ORC5: variants seen among roughly 807,000 people sequenced by gnomAD.
ORC5 encodes the protein protein phosphatase 1, regulatory subunit 117.
ORC5 carries 39 observed loss-of-function variants against 58.8 expected under a neutral mutation model. That is an observed-to-expected ratio of 0.66 (90% confidence interval 0.51 to 0.87). The LOEUF (loss-of-function observed/expected upper bound fraction) is 0.87. Among genes scored for constraint, ORC5 ranks in the 40% least tolerant of loss-of-function variants. The pLI, the probability that ORC5 is intolerant of heterozygous loss-of-function variation, is 0.00. For missense variants in ORC5, 493 were observed against 506.3 expected, an observed-to-expected ratio of 0.97 and a Z score of 0.25; for synonymous variants, 218 against 177.6, an observed-to-expected ratio of 1.23 and a Z score of -1.81.
intron 13 of ORC5, among the ~76,000 whole-genome samples, chr7:104,135,898 C>T (rs780681274): frequency 6.6e-6 from 1 of 152,086 alleles, no homozygotes; most frequent in African/African-American, 2.4e-5. Context: ...ATGGATTGCC[C>T]TGTTCACTCT....
chr7:104,204,497 G>T (rs913496579), intron 1 of ORC5, among the ~76,000 whole-genome samples: 27 of 151,972 alleles, frequency 1.8e-4, no homozygotes, highest in African/African-American at 6.0e-4. Flanking sequence ...TATCGTACAG[G>T]TTTACATATA....
intron 8 of ORC5, among the ~76,000 whole-genome samples, chr7:104,180,046 T>C (rs571504713): frequency 6.6e-6 from 1 of 152,362 alleles, no homozygotes; most frequent in Non-Finnish European, 1.5e-5. Context: ...CTTTTCTTAA[T>C]GTGTCTGAAT....
chr7:104,143,156 T>C (rs1340192524), intron 12 of ORC5, among the ~76,000 whole-genome samples: 1 of 135,428 alleles, frequency 7.4e-6, no homozygotes, highest in Non-Finnish European at 1.5e-5. Flanking sequence ...CCCTTAGTAC[T>C]TTTTTTTTAA....
At chr7:104,139,476 G>T (rs974199760) in intron 12 of ORC5, among the ~76,000 whole-genome samples, 1 of 152,014 alleles carries the variant, frequency 6.6e-6, no homozygotes, top group Non-Finnish European at 1.5e-5. Context: ...CCATTTTAAA[G>T]GGAAAATTAT....
chr7:104,150,972 C>T (rs1382883528), intron 12 of ORC5, among the ~76,000 whole-genome samples: 1 of 152,094 alleles, frequency 6.6e-6, no homozygotes, highest in Non-Finnish European at 1.5e-5. Context: ...TGAGAAATGA[C>T]ATTTGGGAGA....
chr7:104,183,474 G>A (rs12705189), intron 8 of ORC5, among the ~76,000 whole-genome samples: 93,785 of 151,952 alleles, frequency 0.62, 30,826 homozygotes, highest in Non-Finnish European at 0.75. Context: ...ATCAAAATGG[G>A]GTCACATGTG....
chr7:104,199,468 G>C (rs900164183), intron 3 of ORC5, among the ~76,000 whole-genome samples: 1 of 152,218 alleles, frequency 6.6e-6, no homozygotes, highest in Non-Finnish European at 1.5e-5. Flanking sequence ...GGCTGGATGT[G>C]AGGCATGGAG....
At position 104,132,101 on chromosome 7, in the gene ORC5, C is replaced by T. The variant is rs78166021; in HGVS notation, c.1262+4680G>A. On this transcript the variant is annotated intron_variant, in intron 13 of 13. Transcript: ENST00000297431. ...TACATCTACTTTCTCATAAATACTA[C>T]AATATGACTTCTACTTCATCATACC... is the stretch of plus-strand genomic sequence containing the variant. 3.4e-3 allele frequency among the ~76,000 whole-genome samples: 521 copies of T among 152,184 alleles called. 7 individuals carry two copies. Among genetic ancestry groups the T allele is most frequent in the African/African-American group, 0.012 (504 of 41,520 alleles).
At chr7:104,194,919 C>A (rs1420045527) in intron 5 of ORC5, among the ~76,000 whole-genome samples, 5 of 152,062 alleles carry the variant, frequency 3.3e-5, no homozygotes, top group African/African-American at 9.7e-5. Context: ...TGGCAGCAAA[C>A]CTTAACAGTT....
chr7:104,150,306 T>C (rs1390699661), intron 12 of ORC5, among the ~76,000 whole-genome samples: 5 of 152,150 alleles, frequency 3.3e-5, no homozygotes, highest in African/African-American at 1.2e-4. Flanking sequence ...CTGAAACATA[T>C]TAAATTATTT....
intron 5 of ORC5, 44 bp from the exon 6 acceptor site, chr7:104,188,425 C>T (rs1302736263): frequency 4.1e-6 from 6 of 1,472,110 alleles, no homozygotes; most frequent in South Asian, 1.3e-5. Context: ...TAACATAGTA[C>T]ACTAATCATA....
intron 3 of ORC5, among the ~76,000 whole-genome samples, chr7:104,198,916 G>C (rs908530056): frequency 3.9e-5 from 6 of 152,220 alleles, no homozygotes; most frequent in African/African-American, 1.4e-4. Flanking sequence ...CCCCACTCAT[G>C]GCTAAAAGGG....
At chr7:104,186,293 G>A (rs1195810398) in intron 6 of ORC5, among the ~76,000 whole-genome samples, 2 of 152,020 alleles carry the variant, frequency 1.3e-5, no homozygotes, top group Non-Finnish European at 2.9e-5. Context: ...TGTATATGGA[G>A]GGCTAACTTT....
In ORC5 at chr7:104,138,037, G is replaced by C; in HGVS notation, c.1150-1144C>G. ...TAAGCATTCATCCCTAGATGCGGCCGTGAGATTGGAGCCCCACAACCTGCC... is the reference window on the plus strand; with the variant it reads ...TAAGCATTCATCCCTAGATGCGGCCCTGAGATTGGAGCCCCACAACCTGCC... On this transcript the variant is annotated intron_variant, in intron 12 of 13. Transcript: ENST00000297431. This position sits in a 1 kb window ranked among gnomAD's most constrained non-coding sequence, Gnocchi z 4.7. Among the ~76,000 whole-genome samples the C allele has an allele frequency of 6.6e-6, 1 of 152,190 alleles. No homozygotes were observed. Among genetic ancestry groups the C allele is most frequent in the Admixed American group, 6.5e-5 (1 of 15,276 alleles).
chr7:104,166,658 T>C (rs1799112420), intron 10 of ORC5, 114 bp downstream of exon 10: 1 of 627,118 alleles, frequency 1.6e-6, no homozygotes, highest in East Asian at 2.7e-5. Flanking sequence ...CCTAAATACA[T>C]ATTTGGCAAT....
intron 12 of ORC5, among the ~76,000 whole-genome samples, chr7:104,152,553 T>C (rs563785915): frequency 6.6e-6 from 1 of 152,168 alleles, no homozygotes; most frequent in Non-Finnish European, 1.5e-5. Context: ...AATCTAGTCA[T>C]TAAGTTCTAT....
intron 4 of ORC5, 73 bp from the exon 5 acceptor site, chr7:104,195,327 T>C: frequency 1.2e-6 from 1 of 808,694 alleles, no homozygotes; most frequent in Non-Finnish European, 1.9e-6. Context: ...CATTTGGATT[T>C]TTCTTTCAAA....
chr7:104,158,707 G>A (rs1200093750), intron 12 of ORC5, among the ~76,000 whole-genome samples: 1 of 151,832 alleles, frequency 6.6e-6, no homozygotes, highest in Non-Finnish European at 1.5e-5. Flanking sequence ...CATTTATGCA[G>A]CCAAAACACA....
chr7:104,187,883 T>C, intron 6 of ORC5: 2 of 991,048 alleles, frequency 2.0e-6, no homozygotes, highest in East Asian at 2.2e-4. Flanking sequence ...TGTTACAAAA[T>C]ATTAACAGAG....
Sources: allele counts gnomAD v4.1 joint callset (sites outside exome capture counted in the v4.1 genomes callset), GRCh38; gene constraint gnomAD v4.1.1; non-coding constraint Gnocchi (gnomAD v3.1); transcripts MANE v1.5; gene names NCBI Gene and HGNC (gene_info 2026-07-23, HGNC 2026-07-21).